KCNAB1: variants seen among roughly 807,000 people sequenced by gnomAD.
KCNAB1 encodes the protein potassium voltage-gated channel subfamily A regulatory beta subunit 1.
KCNAB1 carries 35 observed loss-of-function variants against 64.6 expected under a neutral mutation model. The ratio of observed to expected loss-of-function variants is 0.54; its 90% CI spans 0.41 to 0.72. The LOEUF (loss-of-function observed/expected upper bound fraction) is 0.72, where lower values mean the gene tolerates loss of function less well. Among genes scored for constraint, KCNAB1 ranks in the 30% least tolerant of loss-of-function variants. The pLI is 0.00. For missense variants in KCNAB1, 401 were observed against 512.9 expected (o/e 0.78, Z 2.11); for synonymous variants, 177 against 183.8 (o/e 0.96, Z 0.30).
At position 156,352,995 on chromosome 3, in the gene KCNAB1, A is replaced by C. The variant is rs555403537; in HGVS notation, c.276-68621A>C. On this transcript the variant is annotated intron_variant, in intron 1 of 13. Transcript: ENST00000490337. ...ATGCCTGGGCTCACCCCACACATCTAACATGCCAGTGGATCTGGCATTCTG... is the reference window on the plus strand; with the variant it reads ...ATGCCTGGGCTCACCCCACACATCTCACATGCCAGTGGATCTGGCATTCTG... Among the ~76,000 whole-genome samples, 4 of 152,370 alleles carry C rather than the reference A, an allele frequency of 2.6e-5. No homozygotes were observed. The East Asian group carries it at 7.7e-4, about 29-fold the overall frequency.
intron 1 of KCNAB1, among the ~76,000 whole-genome samples, chr3:156,365,449 C>T (rs1377466196): frequency 3.3e-5 from 5 of 152,168 alleles, no homozygotes; most frequent in Non-Finnish European, 7.3e-5. Flanking sequence ...TCTTTAGCCT[C>T]ATAGAATGTT....
chr3:156,189,688 A>T (rs1328607257), intron 1 of KCNAB1, among the ~76,000 whole-genome samples: 1 of 150,012 alleles, frequency 6.7e-6, no homozygotes, highest in Non-Finnish European at 1.5e-5. Context: ...GAGAAAGAAA[A>T]GCTTATTCTT....
intron 2 of KCNAB1, among the ~76,000 whole-genome samples, chr3:156,428,401 T>C (rs1035956675): frequency 2.6e-5 from 4 of 151,802 alleles, no homozygotes; most frequent in African/African-American, 9.7e-5. Context: ...TACCATTAAC[T>C]CCTTTGAGTC....
intron 1 of KCNAB1, among the ~76,000 whole-genome samples, chr3:156,224,841 T>C (rs1283476010): frequency 6.6e-6 from 1 of 152,218 alleles, no homozygotes; most frequent in East Asian, 1.9e-4. Context: ...GAGAAATTCC[T>C]GGAGAAATAA....
chr3:156,262,564 T>C (rs1225873911), intron 1 of KCNAB1, among the ~76,000 whole-genome samples: 1 of 151,940 alleles, frequency 6.6e-6, no homozygotes, highest in Non-Finnish European at 1.5e-5. Context: ...TACAAGTCGC[T>C]GGATTTGATT....
At chr3:156,320,751 G>A (rs1386511518) in intron 1 of KCNAB1, among the ~76,000 whole-genome samples, 1 of 152,074 alleles carries the variant, frequency 6.6e-6, no homozygotes, top group African/African-American at 2.4e-5. Flanking sequence ...GTGGGCTTTG[G>A]GAAGCATGGG....
intron 1 of KCNAB1, among the ~76,000 whole-genome samples, chr3:156,152,155 A>G (rs1259779348): frequency 6.6e-6 from 1 of 152,164 alleles, no homozygotes; most frequent in Non-Finnish European, 1.5e-5. Context: ...GAGGGATCTC[A>G]TAGGCCTGCT....
At chr3:156,216,160 A>AGC (rs1283647021) in intron 1 of KCNAB1, among the ~76,000 whole-genome samples, 45 of 152,342 alleles carry the variant, frequency 3.0e-4, no homozygotes, top group Non-Finnish European at 8.8e-5. Flanking sequence ...CGTTAATGAA[A>AGC]TAGAATCTTA....
intron 1 of KCNAB1, among the ~76,000 whole-genome samples, chr3:156,124,780 G>A (rs1415559970): frequency 6.6e-6 from 1 of 152,054 alleles, no homozygotes; most frequent in Non-Finnish European, 1.5e-5. Flanking sequence ...AAAATGTTGG[G>A]TTATTTAATG....
chr3:156,349,649 C>T, intron 1 of KCNAB1, among the ~76,000 whole-genome samples: 1 of 152,174 alleles, frequency 6.6e-6, no homozygotes, highest in Non-Finnish European at 1.5e-5. Flanking sequence ...ACACCTTGGC[C>T]TCCTGGGCTC....
intron 2 of KCNAB1, among the ~76,000 whole-genome samples, chr3:156,428,488 TACACACACACACAC>T (rs4056995): frequency 2.5e-3 from 318 of 127,568 alleles, no homozygotes; most frequent in African/African-American, 8.7e-3. Context: ...AATTCCTCTA[TACACACACACACAC>T]ACACACACAC....
chr3:156,336,943 G>A (rs1161038676), intron 1 of KCNAB1, among the ~76,000 whole-genome samples: 1 of 152,208 alleles, frequency 6.6e-6, no homozygotes, highest in Non-Finnish European at 1.5e-5. Context: ...TACTTGAAGT[G>A]CAAGGACTAG....
At chr3:156,395,856 T>C (rs1713427680) in intron 1 of KCNAB1, among the ~76,000 whole-genome samples, 1 of 152,108 alleles carries the variant, frequency 6.6e-6, no homozygotes, top group East Asian at 1.9e-4. Flanking sequence ...AGAGACAGAT[T>C]CCTCCAGTGC....
At chr3:156,439,152 A>C (rs754803388) in intron 2 of KCNAB1, among the ~76,000 whole-genome samples, 2 of 151,972 alleles carry the variant, frequency 1.3e-5, no homozygotes, top group Non-Finnish European at 2.9e-5. Context: ...GATAATGTCT[A>C]TAAAGGGTAT....
At chr3:156,520,390 G>T (rs1316353407) in intron 11 of KCNAB1, among the ~76,000 whole-genome samples, 1 of 152,054 alleles carries the variant, frequency 6.6e-6, no homozygotes, top group African/African-American at 2.4e-5. Context: ...AGACCAGCCT[G>T]GGCAAAATGA....
chr3:156,455,734 C>T (rs1374574742), intron 3 of KCNAB1, among the ~76,000 whole-genome samples: 1 of 152,140 alleles, frequency 6.6e-6, no homozygotes, highest in African/African-American at 2.4e-5. Flanking sequence ...GTCTGCTTCC[C>T]AGCGAGTCTC....
intron 1 of KCNAB1, among the ~76,000 whole-genome samples, chr3:156,379,793 A>C (rs893666807): frequency 6.6e-6 from 1 of 152,130 alleles, no homozygotes; most frequent in Non-Finnish European, 1.5e-5. Context: ...ATAGGGGCTT[A>C]GGTTAGAGGC....
chr3:156,419,508 A>G (rs1715325904), intron 1 of KCNAB1, among the ~76,000 whole-genome samples: 1 of 143,522 alleles, frequency 7.0e-6, no homozygotes. Context: ...CTCAAAAAAA[A>G]AGAAAAAAAA....
At chr3:156,407,779 C>A (rs1327027756) in intron 1 of KCNAB1, among the ~76,000 whole-genome samples, 5 of 152,212 alleles carry the variant, frequency 3.3e-5, no homozygotes, top group Non-Finnish European at 7.3e-5. Flanking sequence ...TCTCTTCCAG[C>A]CACATTGCTC....
Sources: allele counts gnomAD v4.1 joint callset (sites outside exome capture counted in the v4.1 genomes callset), GRCh38; gene constraint gnomAD v4.1.1; transcripts MANE v1.5; gene names NCBI Gene and HGNC (gene_info 2026-07-23, HGNC 2026-07-21).